Variants in ENTHD1 observed in about 807,000 individuals in gnomAD.
ENTHD1 encodes the protein ENTH domain containing 1.
Under a neutral mutation model 39.1 loss-of-function variants are expected in ENTHD1, and 23 were observed. That is an observed-to-expected ratio of 0.59 (90% CI 0.42 to 0.83). The LOEUF is 0.83. ENTHD1 is among the 40% of genes least tolerant of loss of function. The pLI, the probability that ENTHD1 is intolerant of heterozygous loss-of-function variation, is 0.00. For synonymous variants in ENTHD1, 230 were observed against 258.2 expected, an observed-to-expected ratio of 0.89 and a Z score of 1.05; for missense variants, 624 against 705.4, an observed-to-expected ratio of 0.88 and a Z score of 1.31.
In ENTHD1 at chr22:39,887,385, T is replaced by C. The variant is rs202142874; in HGVS notation, c.349+15A>G. 12 of 1,579,588 alleles carry C rather than the reference T, an allele frequency of 7.6e-6. 1 individual carries two copies. In the East Asian group the frequency reaches 2.7e-4, roughly 35 times the overall value. On this transcript the variant is annotated intron_variant, in intron 2 of 6. Transcript: ENST00000325157. ...ACCACCACACCCAGCTTATATAAACTTCTTTAACCATTACCTTGGTCTTTT... is the reference window on the plus strand; with the variant it reads ...ACCACCACACCCAGCTTATATAAACCTCTTTAACCATTACCTTGGTCTTTT...
At chr22:39,875,365 G>A in intron 2 of ENTHD1, 4 of 1,376,906 alleles carry the variant, frequency 2.9e-6, no homozygotes, top group East Asian at 2.9e-5. Context: ...TGGCGGGCGC[G>A]CTGCGGCCCT....
At chr22:39,797,061 A>G (rs1245131160) in intron 5 of ENTHD1, among the ~76,000 whole-genome samples, 1 of 152,208 alleles carries the variant, frequency 6.6e-6, no homozygotes, top group Non-Finnish European at 1.5e-5. Context: ...TGGTACATAT[A>G]TATTTAGAAT....
intron 3 of ENTHD1, among the ~76,000 whole-genome samples, chr22:39,846,379 T>C (rs1266971426): frequency 6.6e-6 from 1 of 152,176 alleles, no homozygotes; most frequent in Non-Finnish European, 1.5e-5. Flanking sequence ...TTGTTTTTTT[T>C]CTTAAGAGAC....
At chr22:39,789,123 A>G (rs982654938) in intron 5 of ENTHD1, among the ~76,000 whole-genome samples, 3 of 152,156 alleles carry the variant, frequency 2.0e-5, no homozygotes, top group African/African-American at 7.2e-5. Flanking sequence ...CTATCCATCT[A>G]CTGATGGACA....
At chr22:39,870,082 T>C (rs1396792144) in intron 2 of ENTHD1, among the ~76,000 whole-genome samples, 3 of 151,922 alleles carry the variant, frequency 2.0e-5, no homozygotes, top group African/African-American at 4.8e-5. Context: ...AGTGGCACAA[T>C]CTCAGCTCAC....
At chr22:39,802,083 T>C (rs943782879) in intron 5 of ENTHD1, among the ~76,000 whole-genome samples, 2 of 152,162 alleles carry the variant, frequency 1.3e-5, no homozygotes, top group South Asian at 4.1e-4. Context: ...TAGCTCTTCA[T>C]ATATCCCCAA....
intron 5 of ENTHD1, among the ~76,000 whole-genome samples, chr22:39,785,965 G>A (rs1024368089): frequency 1.3e-5 from 2 of 152,006 alleles, no homozygotes; most frequent in Non-Finnish European, 2.9e-5. Flanking sequence ...CTTCACTTTT[G>A]GTAGATGACC....
At chr22:39,879,340 G>A (rs2146761728) in intron 2 of ENTHD1, among the ~76,000 whole-genome samples, 1 of 151,546 alleles carries the variant, frequency 6.6e-6, no homozygotes, top group Non-Finnish European at 1.5e-5. Flanking sequence ...GTGGGTACCT[G>A]TAGTCCCAGC....
At chr22:39,852,247 G>T (rs2066047013) in intron 3 of ENTHD1, among the ~76,000 whole-genome samples, 1 of 152,078 alleles carries the variant, frequency 6.6e-6, no homozygotes, top group African/African-American at 2.4e-5. Flanking sequence ...TTGGGAGGCT[G>T]AGGTAGGAGA....
intron 4 of ENTHD1, among the ~76,000 whole-genome samples, chr22:39,824,338 T>C (rs566584356): frequency 6.6e-6 from 1 of 150,432 alleles, no homozygotes; most frequent in African/African-American, 2.4e-5. Context: ...GCCTCCCAAG[T>C]AGCTGGGATT....
chr22:39,820,861 G>T, intron 5 of ENTHD1, 132 bp downstream of exon 5: 1 of 863,608 alleles, frequency 1.2e-6, no homozygotes, highest in Non-Finnish European at 1.7e-6. Flanking sequence ...AAGATTATAG[G>T]ACCATGTTGT....
At chr22:39,828,478 G>T (rs1368138990) in intron 4 of ENTHD1, among the ~76,000 whole-genome samples, 1 of 151,954 alleles carries the variant, frequency 6.6e-6, no homozygotes, top group East Asian at 1.9e-4. Flanking sequence ...ATAATAAATG[G>T]CATCCCAATA....
intron 2 of ENTHD1, among the ~76,000 whole-genome samples, chr22:39,878,625 T>C (rs2066310269): frequency 6.6e-6 from 1 of 152,064 alleles, no homozygotes; most frequent in Admixed American, 6.5e-5. Flanking sequence ...ATAAAGACTT[T>C]TTAGCCAAAC....
chr22:39,866,716 A>G (rs1428313810), intron 2 of ENTHD1, among the ~76,000 whole-genome samples: 1 of 152,216 alleles, frequency 6.6e-6, no homozygotes, highest in African/African-American at 2.4e-5. Flanking sequence ...CTGTCACAGT[A>G]CCTTACCCTT....
chr22:39,880,806 C>T (rs768284789), intron 2 of ENTHD1, among the ~76,000 whole-genome samples: 7 of 152,160 alleles, frequency 4.6e-5, no homozygotes, highest in Non-Finnish European at 1.0e-4. Flanking sequence ...CACATGCTGA[C>T]AGGATGGAGT....
intron 3 of ENTHD1, among the ~76,000 whole-genome samples, chr22:39,844,361 A>G (rs1212750437): frequency 1.3e-5 from 2 of 152,220 alleles, no homozygotes; most frequent in Non-Finnish European, 2.9e-5. Context: ...AGCATATAAA[A>G]TTTGAGACAC....
chr22:39,793,568 A>C (rs2065522553), intron 5 of ENTHD1, among the ~76,000 whole-genome samples: 1 of 152,184 alleles, frequency 6.6e-6, no homozygotes, highest in Non-Finnish European at 1.5e-5. Flanking sequence ...AATTTTGCCT[A>C]GACAAATGTC....
At chr22:39,883,090 C>A (rs1305044829) in intron 2 of ENTHD1, among the ~76,000 whole-genome samples, 2 of 150,386 alleles carry the variant, frequency 1.3e-5, no homozygotes, top group Non-Finnish European at 3.0e-5. Context: ...CTAATGGAAT[C>A]TTTTTCATTA....
At chr22:39,783,201 C>A (rs1325475934) in intron 5 of ENTHD1, among the ~76,000 whole-genome samples, 1 of 151,840 alleles carries the variant, frequency 6.6e-6, no homozygotes, top group African/African-American at 2.4e-5. Context: ...ATATAGCATA[C>A]CTAGGAATAA....
Sources: gnomAD v4.1 joint callset for allele counts (sites outside exome capture counted in the v4.1 genomes callset) on GRCh38, gnomAD v4.1.1 for gene constraint, MANE v1.5 for transcripts, NCBI Gene and HGNC (gene_info 2026-07-23, HGNC 2026-07-21) for gene names.